The following ZMYM2 variants were observed in gnomAD, a reference collection of about 807,000 sequenced individuals.
The protein encoded by ZMYM2 is zinc finger MYM-type protein 2.
A neutral mutation model predicts 162.8 loss-of-function variants in ZMYM2; 56 were observed. The observed-to-expected ratio is 0.34, with a 90% CI of 0.28 to 0.43. The LOEUF is 0.43. Ranked by LOEUF, ZMYM2 falls within the 20% of genes least tolerant of loss-of-function variation. The probability of loss-of-function intolerance (pLI) is 1.00; values close to 1 mark genes in which losing one functional copy is unlikely to be tolerated. For synonymous variants in ZMYM2, 510 were observed against 541.6 expected (o/e 0.94, Z 0.81); for missense variants, 1,275 against 1,621.8 (o/e 0.79, Z 3.67).
chr13:19,927,310 A>T, the ZMYM2 span, among the ~76,000 whole-genome samples: 3 of 152,188 alleles, frequency 2.0e-5, no homozygotes, highest in Admixed American at 6.6e-5. Context: ...CAATTTGCCC[A>T]CTAGAGGTAG....
intron 18 of ZMYM2, among the ~76,000 whole-genome samples, chr13:20,063,178 A>G (rs137982034): frequency 6.6e-6 from 1 of 152,074 alleles, no homozygotes; most frequent in East Asian, 1.9e-4. Context: ...TTCTGGAATG[A>G]GATCACTTGA....
chr13:19,932,242 A>C, the ZMYM2 span, among the ~76,000 whole-genome samples: 1 of 152,326 alleles, frequency 6.6e-6, no homozygotes, highest in Non-Finnish European at 1.5e-5. Context: ...TCTATGTTAA[A>C]GCCCTAGCCC....
At chr13:20,075,737 AGTGGCGCCATCTCG>A (rs1957450223) in intron 21 of ZMYM2, among the ~76,000 whole-genome samples, 1 of 127,186 alleles carries the variant, frequency 7.9e-6, no homozygotes, top group African/African-American at 3.2e-5. Flanking sequence ...GCTGGAGTGC[AGTGGCGCCATCTCG>A]GCTTAATGCA....
chr13:19,934,831 A>G, the ZMYM2 span, among the ~76,000 whole-genome samples: 1 of 149,198 alleles, frequency 6.7e-6, no homozygotes, highest in East Asian at 2.0e-4. Flanking sequence ...CAGTGGCACC[A>G]TCTTGGCTCA....
At chr13:19,961,513 A>G (rs1955204007) in intron 2 of ZMYM2, among the ~76,000 whole-genome samples, 1 of 151,272 alleles carries the variant, frequency 6.6e-6, no homozygotes, top group South Asian at 2.1e-4. Context: ...GATCTTTCAA[A>G]TAGATGGATG....
the ZMYM2 span, among the ~76,000 whole-genome samples, chr13:19,876,615 G>A: frequency 2.0e-5 from 3 of 151,998 alleles, no homozygotes; most frequent in Admixed American, 6.6e-5. Context: ...GAGCCACCTC[G>A]CCTGGCCTAA....
intron 12 of ZMYM2, among the ~76,000 whole-genome samples, chr13:20,040,132 C>T (rs1954110276): frequency 2.6e-5 from 4 of 152,186 alleles, no homozygotes; most frequent in Admixed American, 2.6e-4. Flanking sequence ...CCCCCCTCCT[C>T]AATTTTTTGG....
At chr13:20,057,696 TAAA>T (rs1382882646) in intron 14 of ZMYM2, among the ~76,000 whole-genome samples, 2 of 152,204 alleles carry the variant, frequency 1.3e-5, no homozygotes, top group Non-Finnish European at 2.9e-5. Context: ...GTTTTATTAT[TAAA>T]AAATACTGTA....
the ZMYM2 span, among the ~76,000 whole-genome samples, chr13:19,936,187 T>A: frequency 6.6e-6 from 1 of 152,190 alleles, no homozygotes. Context: ...AGAGTAGACT[T>A]TGTCATGAAG....
In ZMYM2 at chr13:19,982,498, G is replaced by A. The variant is rs376359287; in HGVS notation, c.-10-10565G>A. 1.7e-4 allele frequency among the ~76,000 whole-genome samples: 26 copies of A among 152,036 alleles called. 1 individual carries two copies. Among genetic ancestry groups the A allele is most frequent in the East Asian group, 9.7e-4 (5 of 5,158 alleles). ...AGATGGGGTTTCACCATCTTGGCCA[G>A]GCTGGTCTCGAACTCCTGACCTGAA... is the stretch of plus-strand genomic sequence containing the variant. On this transcript the variant is annotated intron_variant, in intron 2 of 24. Coordinates refer to ENST00000610343, the MANE Select transcript of ZMYM2 (RefSeq NM_197968.4).
intron 7 of ZMYM2, among the ~76,000 whole-genome samples, chr13:20,022,550 A>G (rs536259851): frequency 6.6e-6 from 1 of 152,200 alleles, no homozygotes; most frequent in African/African-American, 2.4e-5. Flanking sequence ...TCTGTTGTCA[A>G]TTAGAAAAAA....
the ZMYM2 span, among the ~76,000 whole-genome samples, chr13:19,916,777 G>A: frequency 2.6e-5 from 4 of 151,972 alleles, no homozygotes; most frequent in Non-Finnish European, 5.9e-5. Flanking sequence ...CGAGTTGATG[G>A]GTGCGGCAAA....
At chr13:19,983,162 TGAGAC>T (rs1329780412) in intron 2 of ZMYM2, among the ~76,000 whole-genome samples, 1 of 151,802 alleles carries the variant, frequency 6.6e-6, no homozygotes, top group African/African-American at 2.4e-5. Flanking sequence ...TTTTTTTTTT[TGAGAC>T]GGAGTCTCAT....
In ZMYM2 at chr13:20,029,642, AT is replaced by A. The variant is rs1405139295; in HGVS notation, c.1852-1672del. ...CCTTCCGCTGTACATTGAATGGCTA[AT>A]TTTTATTAACCGTTTCATGCATTAA... On this transcript the variant is annotated intron_variant, in intron 9 of 24. Transcript: ENST00000610343. Among the ~76,000 whole-genome samples the A allele has an allele frequency of 3.2e-4, 48 of 152,178 alleles. 1 individual carries two copies. Among genetic ancestry groups the A allele is most frequent in the Non-Finnish European group, 7.3e-5 (5 of 68,038 alleles).
At chr13:20,056,232 A>G (rs1362333571) in intron 14 of ZMYM2, among the ~76,000 whole-genome samples, 4 of 152,180 alleles carry the variant, frequency 2.6e-5, no homozygotes, top group Non-Finnish European at 4.4e-5. Flanking sequence ...TATCATTTCC[A>G]TTGGAGGTGG....
At chr13:19,977,633 C>CAGG (rs56930346) in intron 2 of ZMYM2, among the ~76,000 whole-genome samples, 148,485 of 150,990 alleles carry the variant, frequency 0.98, 73,060 homozygotes, top group Middle Eastern at 1. Flanking sequence ...GCTGGGACTA[C>CAGG]CGTCCGCCAC....
chr13:19,887,581 G>A, the ZMYM2 span, among the ~76,000 whole-genome samples: 456 of 150,918 alleles, frequency 3.0e-3, 3 homozygotes, highest in Non-Finnish European at 5.7e-3. Flanking sequence ...TCATTTATTT[G>A]TTGGAATACT....
At chr13:20,057,683 ATTGTT>A (rs1955909441) in intron 14 of ZMYM2, among the ~76,000 whole-genome samples, 1 of 152,194 alleles carries the variant, frequency 6.6e-6, no homozygotes, top group Non-Finnish European at 1.5e-5. Flanking sequence ...CTAATGAAAT[ATTGTT>A]TTATTATTAA....
At chr13:20,079,316 C>CAAAAAAAAAAAAAAAAAAAAAA (rs1158594782) in intron 21 of ZMYM2, among the ~76,000 whole-genome samples, 1 of 23,150 alleles carries the variant, frequency 4.3e-5, no homozygotes, top group African/African-American at 2.2e-4. Context: ...GACTCTGTCT[C>CAAAAAAAAAAAAAAAAAAAAAA]AAAAAAAAAA....
Sources: allele counts gnomAD v4.1 joint callset (sites outside exome capture counted in the v4.1 genomes callset), GRCh38; gene constraint gnomAD v4.1.1; transcripts MANE v1.5; gene names NCBI Gene and HGNC (gene_info 2026-07-23, HGNC 2026-07-21).